ATP8B1: variants seen among roughly 807,000 people sequenced by gnomAD.
The protein encoded by ATP8B1 is ATPase phospholipid transporting 8B1.
ATP8B1 carries 80 observed loss-of-function variants against 149.9 expected under a neutral mutation model. The ratio of observed to expected loss-of-function variants is 0.53; its 90% CI spans 0.45 to 0.64. The LOEUF is 0.64. Among genes scored for constraint, ATP8B1 ranks in the 30% least tolerant of loss-of-function variants. The probability of loss-of-function intolerance (pLI) is 0.00; values close to 1 mark genes in which losing one functional copy is unlikely to be tolerated. For synonymous variants in ATP8B1, 536 were observed against 562.8 expected (o/e 0.95, Z 0.67); for missense variants, 1,247 against 1,552.6 (o/e 0.80, Z 3.31).
At chr18:57,682,100 G>A (rs372783709) in intron 15 of ATP8B1, among the ~76,000 whole-genome samples, 1 of 151,766 alleles carries the variant, frequency 6.6e-6, no homozygotes, top group East Asian at 2.0e-4. Context: ...TGCCTGCCAG[G>A]TTCAAGCGAT....
chr18:57,696,579 A>G (rs1450110908), intron 8 of ATP8B1, among the ~76,000 whole-genome samples: 3 of 149,526 alleles, frequency 2.0e-5, no homozygotes, highest in Non-Finnish European at 4.4e-5. Context: ...TAGATTTCCA[A>G]CAGTCAATTG....
At chr18:57,737,290 C>T (rs2079867461) in intron 1 of ATP8B1, among the ~76,000 whole-genome samples, 1 of 151,690 alleles carries the variant, frequency 6.6e-6, no homozygotes, top group South Asian at 2.1e-4. Context: ...TTTCTTAAAG[C>T]TGTACCATTG....
At chr18:57,799,925 AC>A (rs2080557929) in intron 1 of ATP8B1, among the ~76,000 whole-genome samples, 1 of 152,156 alleles carries the variant, frequency 6.6e-6, no homozygotes, top group Non-Finnish European at 1.5e-5. Flanking sequence ...AACTTGGTTA[AC>A]AAAATGAAAA....
At position 57,652,670 on chromosome 18, in the gene ATP8B1, G is replaced by A; in HGVS notation, c.3075C>T (p.Asp1025=). ...FPGLYIVGQR[D]LLFNYKRFFV... The stretch of plus-strand genomic sequence containing the variant: ...AGAATCTCTTATAGTTGAATAGTAA[G>A]TCTCTTTGTCCCACTATGTATAACC... The change falls in exon 25 of 28, where the codon GAC becomes GAT. Residue 1025 remains aspartate, a synonymous_variant. Coordinates refer to ENST00000648908, the MANE Select transcript of ATP8B1 (RefSeq NM_001374385.1). 6.2e-7 allele frequency: 1 copy of A among 1,614,120 alleles called. No individual in the cohort carries two copies. The highest frequency in any genetic ancestry group is 8.5e-7 in the Non-Finnish European group (1 of 1,179,980).
chr18:57,742,953 C>G (rs549955077), intron 1 of ATP8B1, among the ~76,000 whole-genome samples: 10 of 152,106 alleles, frequency 6.6e-5, no homozygotes, highest in Non-Finnish European at 1.2e-4. Flanking sequence ...TTTTTCATTC[C>G]CCTGGCTAAG....
chr18:57,718,551 A>AAAAAAC (rs780049165), intron 2 of ATP8B1, among the ~76,000 whole-genome samples: 1 of 152,226 alleles, frequency 6.6e-6, no homozygotes, highest in Admixed American at 6.5e-5. Context: ...AAGACACATC[A>AAAAAAC]AAAAACAAAA....
chr18:57,765,486 G>A (rs949116102), intron 1 of ATP8B1, among the ~76,000 whole-genome samples: 2 of 152,108 alleles, frequency 1.3e-5, no homozygotes, highest in African/African-American at 4.8e-5. Flanking sequence ...TGGTCAATAT[G>A]GTGAAACCGC....
At chr18:57,779,149 C>T (rs1321543218) in intron 1 of ATP8B1, among the ~76,000 whole-genome samples, 1 of 151,882 alleles carries the variant, frequency 6.6e-6, no homozygotes, top group African/African-American at 2.4e-5. Flanking sequence ...ATAGCAAAAC[C>T]CCATCTCTAC....
chr18:57,717,245 A>G (rs2079590980), intron 2 of ATP8B1, among the ~76,000 whole-genome samples: 1 of 152,090 alleles, frequency 6.6e-6, no homozygotes, highest in Admixed American at 6.6e-5. Context: ...CAACCTGATG[A>G]TGCATCTAAA....
At position 57,652,076 on chromosome 18, in the gene ATP8B1, C is replaced by A. The variant is rs773951157; in HGVS notation, c.3358G>T (p.Ala1120Ser). The change falls in exon 26 of 28, where the codon GCT becomes TCT. Residue 1120 changes from alanine (A) to serine (S), a missense_variant. Coordinates refer to ENST00000648908, the MANE Select transcript of ATP8B1 (RefSeq NM_001374385.1). Reference sequence around the variant, plus strand: ...GATGGAAAGAGAACATGTATTCCAGCACTATGAAAGTCAAACATGATGCCA... The same window carrying A: ...GATGGAAAGAGAACATGTATTCCAGAACTATGAAAGTCAAACATGATGCCA... ...YFGIMFDFHS[A>S]GIHVLFPSAF... The A allele has an allele frequency of 1.2e-6, 2 of 1,613,930 alleles. No individual in the cohort carries two copies. Among genetic ancestry groups the A allele is most frequent in the Non-Finnish European group, 1.7e-6 (2 of 1,180,010 alleles).
chr18:57,649,190 A>ATATCTATCTATCTATCTATCTATCTATC (rs71171056), intron 27 of ATP8B1, among the ~76,000 whole-genome samples: 13,409 of 148,106 alleles, frequency 0.091, 741 homozygotes, highest in Admixed American at 0.13. Flanking sequence ...GTGCTTGGCT[A>ATATCTATCTATCTATCTATCTATCTATC]TATCTATCTA....
In ATP8B1 at chr18:57,732,331, G is replaced by GTATATA. The variant is rs1568044483; in HGVS notation, c.-25-500_-25-499insTATATA. On this transcript the variant is annotated intron_variant, in intron 1 of 27. Coordinates refer to ENST00000648908, the MANE Select transcript of ATP8B1 (RefSeq NM_001374385.1). ...TATGTGTGTATATATGTGTATATAT[G>GTATATA]TGTGTATATATATGTATATATGTGT... 0.013 allele frequency among the ~76,000 whole-genome samples: 172 copies of GTATATA among 12,796 alleles called. 70 individuals are homozygous for GTATATA. In the East Asian group the frequency reaches 0.21, roughly 16 times the overall value. 8.4% of individuals were successfully genotyped at this position (12,796 alleles called of 152,430 possible).
At chr18:57,744,234 G>A (rs1813830839) in intron 1 of ATP8B1, among the ~76,000 whole-genome samples, 1 of 145,820 alleles carries the variant, frequency 6.9e-6, no homozygotes, top group Non-Finnish European at 1.5e-5. Flanking sequence ...AGAATCGCTT[G>A]AACCCGGGAG....
In ATP8B1 at chr18:57,648,304, A is replaced by G; in HGVS notation, c.*184T>C. ...CCCGGCCGAATAATAGGACTTTTAA[A>G]AGTCCTATTTCTTGGCTCTGCTATT... On this transcript the variant is annotated 3_prime_UTR_variant, in exon 28 of 28. Coordinates refer to ENST00000648908, the MANE Select transcript of ATP8B1 (RefSeq NM_001374385.1). The G allele has an allele frequency of 2.6e-6, 2 of 777,322 alleles. No individual in the cohort carries two copies. The highest frequency in any genetic ancestry group is 2.2e-5 in the Admixed American group (1 of 45,956). 48.2% of individuals were successfully genotyped at this position (777,322 alleles called of 1,614,324 possible). A position where few individuals can be genotyped will look rare whatever the true frequency, so the allele number is the denominator to read the frequency against.
rs1423142429 is a variant in ATP8B1, at chr18:57,647,705, T to C, written c.*783A>G. Reference sequence around the variant, plus strand: ...GGATTAAAACGTTCCCTTTCAACCATAATGTACATAACCAGTTGAATAATA... The same window carrying C: ...GGATTAAAACGTTCCCTTTCAACCACAATGTACATAACCAGTTGAATAATA... On this transcript the variant is annotated 3_prime_UTR_variant, in exon 28 of 28. Transcript: ENST00000648908. 1 of 152,870 alleles carries C rather than the reference T, an allele frequency of 6.5e-6. No individual in the cohort carries two copies. The highest frequency in any genetic ancestry group is 2.4e-5 in the African/African-American group (1 of 41,450). The allele number at this position is 152,870 out of a possible 1,614,324, so 9.5% of individuals were successfully genotyped here.
intron 1 of ATP8B1, among the ~76,000 whole-genome samples, chr18:57,746,682 G>C (rs2079967173): frequency 6.6e-6 from 1 of 151,780 alleles, no homozygotes; most frequent in Non-Finnish European, 1.5e-5. Flanking sequence ...TACCATATTG[G>C]CCAGCCTGGT....
intron 6 of ATP8B1, among the ~76,000 whole-genome samples, chr18:57,699,257 C>CT (rs929813706): frequency 7.2e-5 from 11 of 152,166 alleles, no homozygotes; most frequent in Admixed American, 1.3e-4. Context: ...GTTTAGATGG[C>CT]TTTTTTTCCT....
chr18:57,701,276 G>A lies in ATP8B1; in HGVS notation c.431C>T (p.Thr144Ile), dbSNP rs781375943. The change falls in exon 5 of 28, where the codon ACA becomes ATA. Residue 144 changes from threonine to isoleucine, a missense_variant. This residue lies in a region of ATP8B1 where 853 missense variants were observed against 1,035.7 expected (regional missense o/e 0.82). Transcript: ENST00000648908. ...PQISTLAWYT[T>I]LVPLLVVLGV... is the part of the protein sequence containing the mutation. ...CAGCACCACAAGCAGGGGCACTAGT[G>A]TGGTGTACCAAGCCAGGGTAGAGAT... 6.2e-7 allele frequency: 1 copy of A among 1,614,176 alleles called. No homozygotes were observed.
chr18:57,720,685 CAGG>C (rs2079635783), intron 2 of ATP8B1, among the ~76,000 whole-genome samples: 1 of 105,226 alleles, frequency 9.5e-6, no homozygotes, highest in Non-Finnish European at 1.9e-5. Flanking sequence ...GGATATTATC[CAGG>C]AGAACTTCCC....
Sources: gnomAD v4.1 joint callset for allele counts (sites outside exome capture counted in the v4.1 genomes callset) on GRCh38, gnomAD v4.1.1 for gene constraint, gnomAD v4.1.1 regional missense constraint, MANE v1.5 for transcripts, NCBI Gene and HGNC (gene_info 2026-07-23, HGNC 2026-07-21) for gene names.